The following SLC23A1 variants were observed in gnomAD, a reference collection of about 807,000 sequenced individuals.
The protein encoded by SLC23A1 is solute carrier family 23 member 1.
SLC23A1 carries 31 observed loss-of-function variants against 62.5 expected under a neutral mutation model. The observed-to-expected ratio is 0.50, with a 90% CI of 0.37 to 0.67. The LOEUF is 0.67. SLC23A1 is among the 30% of genes least tolerant of loss of function. The probability of loss-of-function intolerance (pLI) is 0.00; values close to 1 mark genes in which losing one functional copy is unlikely to be tolerated. For missense variants in SLC23A1, 640 were observed against 782.7 expected, an observed-to-expected ratio of 0.82 and a Z score of 2.18; for synonymous variants, 271 against 313.2, an observed-to-expected ratio of 0.87 and a Z score of 1.42.
In SLC23A1 at chr5:139,380,112, G is replaced by C. The variant is rs373633436; in HGVS notation, c.648-36C>G. On this transcript the variant is annotated intron_variant, in intron 6 of 14. Coordinates refer to ENST00000348729, the MANE Select transcript of SLC23A1 (RefSeq NM_005847.5). ...AGGCACAATCAGGAAGTGGATGGGA[G>C]GCCAGGCTGGGGCCAGGAGCCGGGA... The C allele has an allele frequency of 5.0e-5, 79 of 1,588,180 alleles. No individual in the cohort carries two copies. In the African/African-American group the frequency reaches 8.5e-4, roughly 17 times the overall value.
At chr5:139,370,799 G>A (rs1324792950) in intron 14 of SLC23A1, among the ~76,000 whole-genome samples, 3 of 151,950 alleles carry the variant, frequency 2.0e-5, no homozygotes, top group Non-Finnish European at 2.9e-5. Flanking sequence ...AAAAAGAAAA[G>A]GGGGCTCTAG....
intron 14 of SLC23A1, among the ~76,000 whole-genome samples, chr5:139,371,003 A>AC (rs1033871774): frequency 6.6e-6 from 1 of 151,544 alleles, no homozygotes; most frequent in African/African-American, 2.4e-5. Flanking sequence ...AATTGCTTGA[A>AC]CCCGGGAGGT....
At chr5:139,385,023 G>T (rs948792395), upstream of SLC23A1, among the ~76,000 whole-genome samples, 4 of 152,098 alleles carry the variant, frequency 2.6e-5, no homozygotes, top group African/African-American at 9.7e-5. Flanking sequence ...TCCCCCAGCA[G>T]CCCGCCTCTC....
chr5:139,380,284 T>G lies in SLC23A1; in HGVS notation c.571A>C (p.Thr191Pro). Residue 191 changes from threonine to proline, a missense_variant, in exon 6 of 15, where the codon ACT (threonine) becomes CCT (proline). By Grantham distance (38) the Thr-to-Pro change is conservative. Transcript: ENST00000348729. ...NYIGPLTVTP[T>P]VSLIGLSVFQ... ...ACAGAAAGGCCAATGAGGGAGACAG[T>G]GGGGGTGACTGTGAGAGGCCCAATG... The G allele has an allele frequency of 6.3e-7, 1 of 1,592,566 alleles. No homozygotes were observed. The highest frequency in any genetic ancestry group is 8.5e-7 in the Non-Finnish European group (1 of 1,169,680).
In SLC23A1 at chr5:139,379,545, A is replaced by C. The variant is rs954351179; in HGVS notation, c.925+133T>G. On this transcript the variant is annotated intron_variant, in intron 8 of 14. Transcript: ENST00000348729. The surrounding 1 kb of genome is among the most constrained non-coding windows in gnomAD (Gnocchi z 4.7). ...GGGACTGAAGCTTTGTCTAAGTAAA[A>C]CACCACTCTGCTGGGCGCACTATAA... 12 of 1,081,822 alleles carry C rather than the reference A, an allele frequency of 1.1e-5. No homozygotes were observed. Among genetic ancestry groups the C allele is most frequent in the Non-Finnish European group, 1.4e-5 (10 of 718,384 alleles). The allele number at this position is 1,081,822 out of a possible 1,614,324, so 67.0% of individuals were successfully genotyped here. A position where few individuals can be genotyped will look rare whatever the true frequency, so the allele number is the denominator to read the frequency against.
chr5:139,382,657 A>T, intron 1 of SLC23A1, 52 bp from the exon 2 acceptor site: 1 of 1,114,062 alleles, frequency 9.0e-7, no homozygotes, highest in Admixed American at 1.9e-5. Context: ...GGACAGGCAA[A>T]ATCCATTCTG....
At chr5:139,369,960 A>T (rs1757551250) in intron 14 of SLC23A1, among the ~76,000 whole-genome samples, 1 of 152,362 alleles carries the variant, frequency 6.6e-6, no homozygotes, top group African/African-American at 2.4e-5. Context: ...CTAGATAGTC[A>T]TGTAAGAAAC....
intron 1 of SLC23A1, among the ~76,000 whole-genome samples, chr5:139,382,925 G>C (rs917180820): frequency 6.6e-6 from 1 of 152,218 alleles, no homozygotes; most frequent in Non-Finnish European, 1.5e-5. Flanking sequence ...GCTCAAGACT[G>C]TGGACAAGTC....
intron 3 of SLC23A1, 40 bp from the exon 4 acceptor site, chr5:139,380,926 G>T: frequency 1.4e-6 from 1 of 717,768 alleles, no homozygotes; most frequent in South Asian, 1.7e-5. Flanking sequence ...GGGGAGGGGC[G>T]GGTGGGGAGG....
intron 14 of SLC23A1, among the ~76,000 whole-genome samples, chr5:139,371,778 CTAGT>C (rs1757683635): frequency 6.6e-6 from 1 of 152,208 alleles, no homozygotes; most frequent in African/African-American, 2.4e-5. Context: ...GTGGCCCACA[CTAGT>C]TGGGAAGTTC....
At chr5:139,375,725 C>T (rs1161364945) in intron 13 of SLC23A1, among the ~76,000 whole-genome samples, 1 of 151,958 alleles carries the variant, frequency 6.6e-6, no homozygotes, top group Non-Finnish European at 1.5e-5. Context: ...ATCCCAGCTA[C>T]TTGGGAGGCT....
intron 3 of SLC23A1, among the ~76,000 whole-genome samples, chr5:139,381,614 CAAAAAAAAAA>C (rs904456829): frequency 7.2e-5 from 4 of 55,706 alleles, no homozygotes; most frequent in Admixed American, 1.8e-4. Flanking sequence ...ACTCCGTCTC[CAAAAAAAAAA>C]AAAAAAAAAA....
upstream of SLC23A1, chr5:139,384,329 C>G (rs1758423901): frequency 7.9e-7 from 1 of 1,262,002 alleles, no homozygotes; most frequent in Admixed American, 2.4e-5. Flanking sequence ...CTGGGCTGCC[C>G]CAGCCCCAGC....
rs368476336 is a variant in SLC23A1 at position 139,378,169 on chromosome 5, G to T, written c.1310-51C>A. ...GGCGCCGCACACGCGTAATCCAGGT[G>T]AGTCCCACTCGGCGACCCGCACCGC... On this transcript the variant is annotated intron_variant, in intron 11 of 14. Coordinates refer to ENST00000348729, the MANE Select transcript of SLC23A1 (RefSeq NM_005847.5). The surrounding 1 kb of genome is among the most constrained non-coding windows in gnomAD (Gnocchi z 4.5). 1 of 1,613,340 alleles carries T rather than the reference G, an allele frequency of 6.2e-7. No individual in the cohort carries two copies. Among genetic ancestry groups the T allele is most frequent in the African/African-American group, 1.3e-5 (1 of 74,924 alleles).
upstream of SLC23A1, chr5:139,384,713 A>G (rs1581387424): frequency 2.0e-6 from 2 of 985,412 alleles, no homozygotes; most frequent in Non-Finnish European, 2.4e-6. Flanking sequence ...GGTGGAGAAC[A>G]CGGTCCCAGA....
chr5:139,385,224 CCCAGGGCTTGG>C (rs1313459857), upstream of SLC23A1, among the ~76,000 whole-genome samples: 8 of 152,336 alleles, frequency 5.3e-5, no homozygotes, highest in Admixed American at 1.3e-4. Flanking sequence ...CTGTCTCTCT[CCCAGGGCTTGG>C]CCAGATCAGA....
chr5:139,380,840 T>A lies in SLC23A1; in HGVS notation c.355A>T (p.Lys119Ter). Residue 119 changes from lysine to a stop codon, truncating the protein, a stop_gained, in exon 4 of 15, where the codon AAA becomes TAA. Coordinates refer to ENST00000348729, the MANE Select transcript of SLC23A1 (RefSeq NM_005847.5). LOFTEE classifies it high-confidence loss of function. Reference protein sequence around the residue: ...ASAFAFLVPAKAILALERWKC... With the variant: ...ASAFAFLVPA The stretch of plus-strand genomic sequence containing the variant: ...CATCTCTCCAGAGCCAGTATGGCTT[T>A]GGCTGGAACCAGAAATGCAAAGGCA... The A allele has an allele frequency of 6.9e-7, 1 of 1,456,694 alleles. No homozygotes were observed. Among genetic ancestry groups the A allele is most frequent in the Non-Finnish European group, 9.2e-7 (1 of 1,091,412 alleles). 90.2% of individuals were successfully genotyped at this position (1,456,694 alleles called of 1,614,324 possible).
chr5:139,378,306 C>T lies in SLC23A1; in HGVS notation c.1225G>A (p.Val409Ile). ...VVQYGAAIML[V>I]LGTIGKFTAL... is the part of the protein sequence containing the mutation. ...GTGAACTTGCCGATGGTGCCCAGGA[C>T]CAGCATGATAGCCGCACCATACTGC... Residue 409 changes from valine (V) to isoleucine (I), a missense_variant, in exon 11 of 15, where the codon GTC becomes ATC. Coordinates refer to ENST00000348729, the MANE Select transcript of SLC23A1 (RefSeq NM_005847.5). This position sits in a 1 kb window ranked among gnomAD's most constrained non-coding sequence, Gnocchi z 4.5. The T allele has an allele frequency of 6.3e-7, 1 of 1,591,318 alleles. No homozygotes were observed.
At position 139,377,974 on chromosome 5, in the gene SLC23A1, C is replaced by T. The variant is rs775400174; in HGVS notation, c.1453+1G>A. The T allele has an allele frequency of 3.7e-6, 6 of 1,613,276 alleles. No individual in the cohort carries two copies. Among genetic ancestry groups the T allele is most frequent in the African/African-American group, 2.7e-5 (2 of 74,892 alleles). ...TGGAGACAGTAAACAGCTGGAGGCA[C>T]CTGTATTGATGGCGCCAGGGTTGGA... is the stretch of plus-strand genomic sequence containing the variant. On this transcript the variant is annotated splice_donor_variant, in intron 12 of 14. Coordinates refer to ENST00000348729, the MANE Select transcript of SLC23A1 (RefSeq NM_005847.5). LOFTEE classifies it high-confidence loss of function.
Sources: gnomAD v4.1 joint callset for allele counts (sites outside exome capture counted in the v4.1 genomes callset) on GRCh38, gnomAD v4.1.1 for gene constraint, Gnocchi (gnomAD v3.1) non-coding constraint, MANE v1.5 for transcripts, NCBI Gene and HGNC (gene_info 2026-07-23, HGNC 2026-07-21) for gene names.